PCDHGB2: variants seen among roughly 807,000 people sequenced by gnomAD.
PCDHGB2 encodes protocadherin gamma-B2.
PCDHGB2 carries 55 observed loss-of-function variants against 59.3 expected under a neutral mutation model. That is an observed-to-expected ratio of 0.93 (90% CI 0.75 to 1.16). The LOEUF (loss-of-function observed/expected upper bound fraction) is 1.16. PCDHGB2 is among the 50% of genes most tolerant of loss of function. The pLI is 0.00. For missense variants in PCDHGB2, 1,228 were observed against 1,198.5 expected (o/e 1.02, Z -0.36); for synonymous variants, 516 against 512.0 (o/e 1.01, Z -0.11).
At chr5:141,510,863 A>G in intron 3 of PCDHGB2, 84 bp from the exon 4 acceptor site, 1 of 1,607,492 alleles carries the variant, frequency 6.2e-7, no homozygotes, top group African/African-American at 1.3e-5. Flanking sequence ...CTGTATAGGC[A>G]TTCATTAACT....
chr5:141,457,233 T>G (rs1038193595), intron 1 of PCDHGB2, among the ~76,000 whole-genome samples: 9 of 152,208 alleles, frequency 5.9e-5, no homozygotes, highest in African/African-American at 2.2e-4. Flanking sequence ...AATTTCCATC[T>G]AAAATTTTAC....
rs1190445239 is a variant in PCDHGB2 at position 141,431,331 on chromosome 5, A to T, written c.2422-63476A>T. 1 of 1,614,062 alleles carries T rather than the reference A, an allele frequency of 6.2e-7. No individual in the cohort carries two copies. The highest frequency in any genetic ancestry group is 1.7e-5 in the Admixed American group (1 of 60,026). On this transcript the variant is annotated intron_variant, in intron 1 of 3. Coordinates refer to ENST00000522605, the MANE Select transcript of PCDHGB2 (RefSeq NM_018923.3). The surrounding 1 kb of genome is among the most constrained non-coding windows in gnomAD (Gnocchi z 4.8). ...CAAAATGGAGCCGACGGTAGTAAGT[A>T]CCCCGAATTGGTGCTGAAACGCGCC...
At chr5:141,439,737 A>T (rs947754447) in intron 1 of PCDHGB2, 4 of 152,382 alleles carry the variant, frequency 2.6e-5, no homozygotes, top group Non-Finnish European at 5.9e-5. Flanking sequence ...CAGGAACGGA[A>T]CGGATTTACA....
Position 141,432,521 on chromosome 5 carries a change from G to C in PCDHGB2, c.2422-62286G>C. ...CCGCTCCGCAGAGCCCGGCTACCTG[G>C]TGACCAAGGTGGTGGCGGTGGACAG... On this transcript the variant is annotated intron_variant, in intron 1 of 3. Transcript: ENST00000522605. The surrounding 1 kb of genome is among the most constrained non-coding windows in gnomAD (Gnocchi z 6.0). 1.2e-6 allele frequency: 2 copies of C among 1,614,112 alleles called. No individual in the cohort carries two copies. The highest frequency in any genetic ancestry group is 1.7e-6 in the Non-Finnish European group (2 of 1,180,028).
intron 2 of PCDHGB2, among the ~76,000 whole-genome samples, chr5:141,503,088 C>T (rs1003234288): frequency 4.0e-5 from 6 of 151,864 alleles, no homozygotes; most frequent in Admixed American, 1.3e-4. Context: ...CTCCTGACCT[C>T]GTGGTCTGCC....
chr5:141,470,035 G>A lies in PCDHGB2; in HGVS notation c.2422-24772G>A, dbSNP rs761812438. ...TCCCAGCTACTCGGGATGCTGAGGC[G>A]CGAGAACTGTTTGAACCCCGGAGGC... On this transcript the variant is annotated intron_variant, in intron 1 of 3. Transcript: ENST00000522605. Among the ~76,000 whole-genome samples, 97 of 152,224 alleles carry A rather than the reference G, an allele frequency of 6.4e-4. 2 individuals carry two copies. Among genetic ancestry groups the A allele is most frequent in the East Asian group, 1.2e-3 (6 of 5,170 alleles).
At chr5:141,383,537 C>T in intron 1 of PCDHGB2, 1 of 1,612,570 alleles carries the variant, frequency 6.2e-7, no homozygotes, top group African/African-American at 1.3e-5. Flanking sequence ...CTGGTCCTCA[C>T]AGCCTCTGAT....
At chr5:141,371,761 CCTA>C (rs1486691481) in intron 1 of PCDHGB2, 4 of 1,614,030 alleles carry the variant, frequency 2.5e-6, no homozygotes, top group Non-Finnish European at 3.4e-6. Context: ...CACCAGGCCT[CCTA>C]CACCGTGCAT....
At chr5:141,368,798 C>T (rs1477388914) in intron 1 of PCDHGB2, among the ~76,000 whole-genome samples, 3 of 152,096 alleles carry the variant, frequency 2.0e-5, no homozygotes, top group Non-Finnish European at 4.4e-5. Flanking sequence ...ATTTTTCATA[C>T]TAATTGAAGT....
intron 1 of PCDHGB2, among the ~76,000 whole-genome samples, chr5:141,462,068 C>T (rs1006462521): frequency 6.6e-6 from 1 of 152,196 alleles, no homozygotes; most frequent in African/African-American, 2.4e-5. Context: ...GGTGATCTGC[C>T]CGCCTTGGCC....
At chr5:141,500,562 T>A (rs2099801387) in intron 2 of PCDHGB2, among the ~76,000 whole-genome samples, 1 of 152,202 alleles carries the variant, frequency 6.6e-6, no homozygotes, top group Admixed American at 6.5e-5. Flanking sequence ...CACAAACTTG[T>A]CACACTTTCA....
intron 1 of PCDHGB2, chr5:141,384,038 G>C (rs1779701578): frequency 6.2e-7 from 1 of 1,613,110 alleles, no homozygotes; most frequent in East Asian, 2.2e-5. Flanking sequence ...GGAAAGAATG[G>C]TGAGGTGACC....
intron 1 of PCDHGB2, chr5:141,410,849 C>CTTTTGTTTTTTTTTTTTTTTTTT (rs2095432564): frequency 7.7e-6 from 1 of 129,786 alleles, no homozygotes; most frequent in Non-Finnish European, 1.3e-5. Flanking sequence ...TTGTCTTTGT[C>CTTTTGTTTTTTTTTTTTTTTTTT]TTTTTTTTTT....
chr5:141,398,383 G>C, intron 1 of PCDHGB2: 4 of 1,451,918 alleles, frequency 2.8e-6, no homozygotes, highest in Non-Finnish European at 2.9e-6. Context: ...GGAGTTGCTT[G>C]TGAGCAGCAG....
rs151119016 is a variant in PCDHGB2, at chr5:141,489,949, G to C, written c.2422-4858G>C. On this transcript the variant is annotated intron_variant, in intron 1 of 3. Transcript: ENST00000522605. The surrounding 1 kb of genome is among the most constrained non-coding windows in gnomAD (Gnocchi z 4.5). ...CTCTGTCATCGTGCTGGACATCAAT[G>C]ATAATGCTCCAACCTTCCAATCCTC... is the stretch of plus-strand genomic sequence containing the variant. 1 of 1,614,198 alleles carries C rather than the reference G, an allele frequency of 6.2e-7. No individual in the cohort carries two copies. Among genetic ancestry groups the C allele is most frequent in the Non-Finnish European group, 8.5e-7 (1 of 1,180,028 alleles).
chr5:141,393,115 G>C (rs1342924521), intron 1 of PCDHGB2: 42 of 1,613,320 alleles, frequency 2.6e-5, no homozygotes, highest in Non-Finnish European at 3.6e-5. Context: ...CAGAGCCCGC[G>C]GTGTCTGATA....
In PCDHGB2 at chr5:141,361,923, A is replaced by G. The variant is rs1762237619; in HGVS notation, c.1788A>G (p.Ala596=). The G allele has an allele frequency of 6.2e-7, 1 of 1,607,688 alleles. No homozygotes were observed. The highest frequency in any genetic ancestry group is 1.3e-5 in the African/African-American group (1 of 74,768). ...TGACCAAGGTGGTGGCGGTGGACGC[A>G]GACTCAGGACACAACGCTTGGCTGT... The part of the protein sequence containing the change: ...YLVTKVVAVD[A]DSGHNAWLSY... The change falls in exon 1 of 4, where the codon GCA becomes GCG. Residue 596 remains alanine, a synonymous_variant. Coordinates refer to ENST00000522605, the MANE Select transcript of PCDHGB2 (RefSeq NM_018923.3).
rs774055546 is a variant in PCDHGB2, at chr5:141,360,808, A to T, written c.673A>T (p.Thr225Ser). Residue 225 changes from threonine (T) to serine (S), a missense_variant, in exon 1 of 4, where the codon ACG becomes TCG. Transcript: ENST00000522605. ...TGGCGGAGACCCACCTCAAAGTGGC[A>T]CGACCCAAATCCGAATCAAAGTCAC... is the stretch of plus-strand genomic sequence containing the variant. ...VDGGDPPQSG[T>S]TQIRIKVTDA... is the part of the protein sequence containing the mutation. The T allele has an allele frequency of 1.9e-6, 3 of 1,613,856 alleles. No individual in the cohort carries two copies. The African/African-American group carries it at 4.0e-5, about 22-fold the overall frequency.
In PCDHGB2 at chr5:141,409,485, G is replaced by A. The variant is rs374642418; in HGVS notation, c.2421+46929G>A. On this transcript the variant is annotated intron_variant, in intron 1 of 3. Coordinates refer to ENST00000522605, the MANE Select transcript of PCDHGB2 (RefSeq NM_018923.3). ...GTCACCATCGTAGCCACTGACAGGG[G>A]CAAGCCGCCTCTTTCTTCCAGTAGA... 9.9e-6 allele frequency: 16 copies of A among 1,613,856 alleles called. No homozygotes were observed. Among genetic ancestry groups the A allele is most frequent in the African/African-American group, 9.3e-5 (7 of 74,934 alleles).
Sources: allele counts gnomAD v4.1 joint callset (sites outside exome capture counted in the v4.1 genomes callset), GRCh38; gene constraint gnomAD v4.1.1; non-coding constraint Gnocchi (gnomAD v3.1); transcripts MANE v1.5; gene names NCBI Gene and HGNC (gene_info 2026-07-23, HGNC 2026-07-21).